The following MAPK4 variants were observed in gnomAD, a reference collection of about 807,000 sequenced individuals.
The protein encoded by MAPK4 is Erk3-related.
A neutral mutation model predicts 47.7 loss-of-function variants in MAPK4; 22 were observed. The observed-to-expected ratio is 0.46, with a 90% CI of 0.33 to 0.66. The LOEUF (loss-of-function observed/expected upper bound fraction) is 0.66. Among genes scored for constraint, MAPK4 ranks in the 30% least tolerant of loss-of-function variants. The pLI is 0.02. For missense variants in MAPK4, 736 were observed against 831.7 expected, an observed-to-expected ratio of 0.88 and a Z score of 1.42; for synonymous variants, 390 against 365.7, an observed-to-expected ratio of 1.07 and a Z score of -0.76.
intron 1 of MAPK4, among the ~76,000 whole-genome samples, chr18:50,644,405 G>A (rs1285559655): frequency 6.6e-6 from 1 of 151,974 alleles, no homozygotes; most frequent in Non-Finnish European, 1.5e-5. Flanking sequence ...GTATCTGGAG[G>A]GCCCCAAGCC....
chr18:50,670,894 G>A (rs1406586474), intron 2 of MAPK4, among the ~76,000 whole-genome samples: 6 of 152,152 alleles, frequency 3.9e-5, no homozygotes, highest in Non-Finnish European at 7.4e-5. Flanking sequence ...CTTAGGGTGA[G>A]GCCCAGCAAT....
At chr18:50,709,550 G>A (rs1235993388) in intron 2 of MAPK4, among the ~76,000 whole-genome samples, 2 of 152,180 alleles carry the variant, frequency 1.3e-5, no homozygotes, top group South Asian at 2.1e-4. Context: ...GGGGGCATTC[G>A]CCTCCCCTGG....
intron 1 of MAPK4, among the ~76,000 whole-genome samples, chr18:50,634,353 A>G (rs1328577194): frequency 2.0e-5 from 3 of 146,870 alleles, no homozygotes; most frequent in East Asian, 4.0e-4. Context: ...TGAGGAACGC[A>G]TGCTCTCAGA....
intron 1 of MAPK4, among the ~76,000 whole-genome samples, chr18:50,563,776 G>A (rs2042174703): frequency 6.6e-6 from 1 of 152,138 alleles, no homozygotes; most frequent in African/African-American, 2.4e-5. Flanking sequence ...GGCCTGCTAT[G>A]CTCTCTTCCT....
chr18:50,658,073 A>G (rs1254699194), intron 1 of MAPK4, among the ~76,000 whole-genome samples: 2 of 152,272 alleles, frequency 1.3e-5, no homozygotes, highest in South Asian at 4.1e-4. Context: ...GGTCAAGAAC[A>G]TGATGGAAGG....
chr18:50,653,196 T>TA (rs113104084), intron 1 of MAPK4, among the ~76,000 whole-genome samples: 6,896 of 130,592 alleles, frequency 0.053, 305 homozygotes, highest in African/African-American at 0.14. Context: ...TCTCAAAAAA[T>TA]AAAAAAAAAA....
chr18:50,640,097 A>G (rs1026112452), intron 1 of MAPK4, among the ~76,000 whole-genome samples: 1 of 152,244 alleles, frequency 6.6e-6, no homozygotes, highest in African/African-American at 2.4e-5. Context: ...TTATTTATAT[A>G]TATCTACACA....
intron 1 of MAPK4, among the ~76,000 whole-genome samples, chr18:50,587,160 C>T (rs867937850): frequency 1.3e-5 from 2 of 152,136 alleles, no homozygotes; most frequent in Non-Finnish European, 2.9e-5. Flanking sequence ...CCTCCAAATT[C>T]GTATGTTGAA....
chr18:50,564,079 C>A (rs1174643702), intron 1 of MAPK4, among the ~76,000 whole-genome samples: 1 of 152,186 alleles, frequency 6.6e-6, no homozygotes, highest in East Asian at 1.9e-4. Flanking sequence ...AGGGTCCTTG[C>A]AGTCCCATGA....
intron 2 of MAPK4, among the ~76,000 whole-genome samples, chr18:50,672,092 C>G (rs1907986759): frequency 6.6e-6 from 1 of 151,932 alleles, no homozygotes; most frequent in South Asian, 2.1e-4. Context: ...AAGAGAGTGC[C>G]CTTTTAGTGT....
intron 1 of MAPK4, among the ~76,000 whole-genome samples, chr18:50,563,045 A>G (rs1226110840): frequency 6.6e-6 from 1 of 152,160 alleles, no homozygotes; most frequent in East Asian, 1.9e-4. Flanking sequence ...ATTATTTCTG[A>G]GACCTCTCTT....
chr18:50,705,802 T>C (rs1334173761), intron 2 of MAPK4: 1 of 152,272 alleles, frequency 6.6e-6, no homozygotes, highest in East Asian at 1.9e-4. Context: ...TGAGAGGCCT[T>C]TCTGGACCAC....
chr18:50,697,551 G>A (rs1909580159), intron 2 of MAPK4, among the ~76,000 whole-genome samples: 1 of 152,218 alleles, frequency 6.6e-6, no homozygotes, highest in Admixed American at 6.5e-5. Flanking sequence ...TTCCTGTTCA[G>A]CAAAATGAGA....
At chr18:50,648,923 C>A (rs769278946) in intron 1 of MAPK4, among the ~76,000 whole-genome samples, 1 of 152,184 alleles carries the variant, frequency 6.6e-6, no homozygotes, top group Non-Finnish European at 1.5e-5. Flanking sequence ...ACCTTAGGTC[C>A]TTGGAGCCTG....
intron 1 of MAPK4, among the ~76,000 whole-genome samples, chr18:50,590,979 C>A (rs1598803469): frequency 1.3e-5 from 2 of 152,296 alleles, no homozygotes; most frequent in East Asian, 1.9e-4. Flanking sequence ...ATTTAAGGAA[C>A]CTATTCTTGA....
At chr18:50,662,121 C>T (rs2043178421) in intron 1 of MAPK4, among the ~76,000 whole-genome samples, 1 of 152,314 alleles carries the variant, frequency 6.6e-6, no homozygotes, top group South Asian at 2.1e-4. Flanking sequence ...CAAAGTGTCT[C>T]TATAGGAGGC....
intron 1 of MAPK4, among the ~76,000 whole-genome samples, chr18:50,577,196 G>T (rs1218380382): frequency 6.6e-6 from 1 of 152,182 alleles, no homozygotes; most frequent in Admixed American, 6.5e-5. Flanking sequence ...GGAACCAATG[G>T]TATGTGTTGT....
chr18:50,650,802 T>G (rs2043040291), intron 1 of MAPK4, among the ~76,000 whole-genome samples: 1 of 152,258 alleles, frequency 6.6e-6, no homozygotes, highest in Non-Finnish European at 1.5e-5. Context: ...ATGTGACTCT[T>G]TCTTTCCTGA....
intron 1 of MAPK4, among the ~76,000 whole-genome samples, chr18:50,604,083 TAAGGAC>T (rs1814996746): frequency 6.6e-6 from 1 of 152,098 alleles, no homozygotes. Flanking sequence ...CATAGAAGTA[TAAGGAC>T]AAGACAAGAA....
Sources: allele counts gnomAD v4.1 joint callset (sites outside exome capture counted in the v4.1 genomes callset), GRCh38; gene constraint gnomAD v4.1.1; transcripts MANE v1.5; gene names NCBI Gene and HGNC (gene_info 2026-07-23, HGNC 2026-07-21).